Variants in COL4A3 observed in about 807,000 individuals in gnomAD.
COL4A3 encodes collagen type IV alpha 3 chain, also known as collagen alpha-3(IV) chain.
Under a neutral mutation model 217.4 loss-of-function variants are expected in COL4A3, and 135 were observed. The observed-to-expected ratio is 0.62, with a 90% confidence interval of 0.54 to 0.72. The LOEUF is 0.72. Ranked by LOEUF, COL4A3 falls within the 30% of genes least tolerant of loss-of-function variation. The pLI, the probability that COL4A3 is intolerant of heterozygous loss-of-function variation, is 0.00. For synonymous variants in COL4A3, 690 were observed against 736.3 expected, an observed-to-expected ratio of 0.94 and a Z score of 1.02; for missense variants, 1,868 against 2,119.9, an observed-to-expected ratio of 0.88 and a Z score of 2.33.
intron 3 of COL4A3, among the ~76,000 whole-genome samples, chr2:227,241,753 C>A (rs2069035169): frequency 6.6e-6 from 1 of 152,080 alleles, no homozygotes; most frequent in Non-Finnish European, 1.5e-5. Flanking sequence ...AAAGCCAAAG[C>A]CAACCTACTG....
At chr2:227,240,418 G>C (rs945087535) in intron 3 of COL4A3, among the ~76,000 whole-genome samples, 186 bp downstream of exon 3, 5 of 152,158 alleles carry the variant, frequency 3.3e-5, no homozygotes, top group African/African-American at 9.7e-5. Context: ...TATTGCAAAT[G>C]ATCATCATTA....
intron 1 of COL4A3, among the ~76,000 whole-genome samples, chr2:227,208,462 A>G (rs916205001): frequency 1.3e-5 from 2 of 152,040 alleles, no homozygotes; most frequent in Non-Finnish European, 2.9e-5. Context: ...ATCTGGTCCA[A>G]CCCAGTTGTA....
At chr2:227,216,971 T>C (rs750078894) in intron 1 of COL4A3, among the ~76,000 whole-genome samples, 2 of 152,226 alleles carry the variant, frequency 1.3e-5, no homozygotes, top group Non-Finnish European at 2.9e-5. Context: ...TTAATAATTG[T>C]ATATGATTTA....
Position 227,282,290 on chromosome 2 carries a change from A to ATATATATG in COL4A3, c.2489-68_2489-67insGTATATAT, listed in dbSNP as rs2072029933. The ATATATATG allele has an allele frequency of 1.5e-6, 1 of 686,112 alleles. No individual in the cohort carries two copies. The highest frequency in any genetic ancestry group is 2.0e-5 in the African/African-American group (1 of 50,748). The allele number at this position is 686,112 out of a possible 1,614,324, so 42.5% of individuals were successfully genotyped here. A position where few individuals can be genotyped will look rare whatever the true frequency, so the allele number is the denominator to read the frequency against. On this transcript the variant is annotated intron_variant, in intron 31 of 51. Coordinates refer to ENST00000396578, the MANE Select transcript of COL4A3 (RefSeq NM_000091.5). The surrounding 1 kb of genome is among the most constrained non-coding windows in gnomAD (Gnocchi z 4.4). Reference sequence around the variant, plus strand: ...CCATCTTAAAAATATATATATATATATATATATATATTTCTGAAGTTAGTA... The same window carrying ATATATATG: ...CCATCTTAAAAATATATATATATATATATATATGTATATATATATTTCTGAAGTTAGTA...
intron 1 of COL4A3, among the ~76,000 whole-genome samples, chr2:227,182,587 C>G (rs567332959): frequency 6.6e-6 from 1 of 152,144 alleles, no homozygotes; most frequent in African/African-American, 2.4e-5. Flanking sequence ...AAAATTAAAA[C>G]TAAATTGACT....
At position 227,175,946 on chromosome 2, in the gene COL4A3, C is replaced by T. The variant is rs1577028778; in HGVS notation, c.87+11133C>T. On this transcript the variant is annotated intron_variant, in intron 1 of 51. Transcript: ENST00000396578. ...TGACATATCTCTGCCCGTCTTTCTT[C>T]AGTCTCATTGGGATAGGTGTGAATT... 2.0e-5 allele frequency among the ~76,000 whole-genome samples: 3 copies of T among 152,304 alleles called. No homozygotes were observed. The South Asian group carries it at 6.2e-4, about 32-fold the overall frequency.
At position 227,273,053 on chromosome 2, in the gene COL4A3, A is replaced by G. The variant is rs771390525; in HGVS notation, c.1863A>G (p.Gln621=). The stretch of plus-strand genomic sequence containing the variant: ...CTGGACCACCTGGCTACGGACCCCA[A>G]GGAGAACCTGGTCTCCAGGGCACGC... ...GPAGPPGYGP[Q]GEPGLQGTQG... Residue 621 remains glutamine (Q), a synonymous_variant, in exon 26 of 52, where the codon CAA becomes CAG. Transcript: ENST00000396578. 1.2e-4 allele frequency: 198 copies of G among 1,614,026 alleles called. 3 individuals carry two copies. In the South Asian group the frequency reaches 1.8e-3, roughly 15 times the overall value.
chr2:227,263,235 T>C (rs1345473183), intron 20 of COL4A3, among the ~76,000 whole-genome samples: 1 of 152,264 alleles, frequency 6.6e-6, no homozygotes, highest in Non-Finnish European at 1.5e-5. Flanking sequence ...ATAGTTAAAC[T>C]GTTTGTGGGA....
At chr2:227,254,256 G>GT (rs1343998413) in intron 14 of COL4A3, 82 bp downstream of exon 14, 12 of 1,288,466 alleles carry the variant, frequency 9.3e-6, no homozygotes, top group Non-Finnish European at 1.2e-5. Context: ...TTTGTCTTAA[G>GT]TTGTTTTTTT....
intron 1 of COL4A3, among the ~76,000 whole-genome samples, chr2:227,228,227 G>A (rs182439130): frequency 2.6e-4 from 39 of 152,282 alleles, no homozygotes; most frequent in African/African-American, 9.4e-4. Context: ...CGGGGCAGGC[G>A]GGGGCATCCC....
chr2:227,222,562 T>C (rs555521909), intron 1 of COL4A3: 18 of 152,308 alleles, frequency 1.2e-4, no homozygotes, highest in East Asian at 5.8e-4. Flanking sequence ...GGAGAAGGCA[T>C]GTAAACAAAT....
chr2:227,202,880 C>CATATGTGTAT (rs869235190), intron 1 of COL4A3, among the ~76,000 whole-genome samples: 1 of 19,012 alleles, frequency 5.3e-5, no homozygotes, highest in Non-Finnish European at 8.4e-5. Flanking sequence ...TGTATATATA[C>CATATGTGTAT]ATATGTGTAT....
chr2:227,257,250 G>C (rs972370437), intron 17 of COL4A3, among the ~76,000 whole-genome samples: 1 of 152,176 alleles, frequency 6.6e-6, no homozygotes, highest in Non-Finnish European at 1.5e-5. Flanking sequence ...TTACAGCTGG[G>C]ACACTTGGAA....
chr2:227,251,135 T>C lies in COL4A3; in HGVS notation c.547-5T>C. On this transcript the variant is annotated splice_region_variant and splice_polypyrimidine_tract_variant and intron_variant, in intron 9 of 51. Coordinates refer to ENST00000396578, the MANE Select transcript of COL4A3 (RefSeq NM_000091.5). Reference sequence around the variant, plus strand: ...ACTTACTCTTATTCTTCTCTCAATTTCAAGGGTTTGCCAGGCCCTCCAGGT... The same window carrying C: ...ACTTACTCTTATTCTTCTCTCAATTCCAAGGGTTTGCCAGGCCCTCCAGGT... 6.2e-7 allele frequency: 1 copy of C among 1,610,050 alleles called. No homozygotes were observed. Among genetic ancestry groups the C allele is most frequent in the Non-Finnish European group, 8.5e-7 (1 of 1,176,280 alleles).
At position 227,251,161 on chromosome 2, in the gene COL4A3, T is replaced by C. The variant is rs371173786; in HGVS notation, c.568T>C (p.Phe190Leu). 5.0e-6 allele frequency: 8 copies of C among 1,613,724 alleles called. 1 individual carries two copies. In the African/African-American group the frequency reaches 9.3e-5, roughly 19 times the overall value. The part of the protein sequence containing the change: ...GPQGLPGPPG[F>L]PGPVGPPGPP... ...CAAGGGTTTGCCAGGCCCTCCAGGT[T>C]TTCCTGGGCCTGTTGGCCCACCTGG... The change falls in exon 10 of 52, where the codon TTT (phenylalanine) becomes CTT (leucine). Residue 190 changes from phenylalanine (F) to leucine (L), a missense_variant. By Grantham distance (22) the Phe-to-Leu change is conservative. This residue lies in a region of COL4A3 where 365 missense variants were observed against 333.8 expected (regional missense o/e 1.09). Coordinates refer to ENST00000396578, the MANE Select transcript of COL4A3 (RefSeq NM_000091.5).
chr2:227,304,245 T>C (rs1408617155), intron 46 of COL4A3, 101 bp downstream of exon 46: 9 of 1,476,854 alleles, frequency 6.1e-6, no homozygotes, highest in Admixed American at 1.7e-5. Context: ...ACAGAAAATG[T>C]TGAACATGAT....
intron 1 of COL4A3, among the ~76,000 whole-genome samples, chr2:227,235,187 G>A (rs1420104206): frequency 7.0e-6 from 1 of 143,352 alleles, no homozygotes; most frequent in African/African-American, 2.5e-5. Context: ...CTGAGGACTT[G>A]CATTTCTGAC....
At chr2:227,277,892 C>T (rs1021162568) in intron 28 of COL4A3, among the ~76,000 whole-genome samples, 2 of 149,656 alleles carry the variant, frequency 1.3e-5, no homozygotes, top group East Asian at 4.0e-4. Context: ...CCCAGCTACT[C>T]AGGAGGCTGA....
At chr2:227,209,844 A>AAAAC (rs373615921) in intron 1 of COL4A3, among the ~76,000 whole-genome samples, 25 of 152,256 alleles carry the variant, frequency 1.6e-4, no homozygotes, top group African/African-American at 2.9e-4. Flanking sequence ...CTCCATCTCA[A>AAAAC]AAACAAACAA....
Sources: allele counts gnomAD v4.1 joint callset (sites outside exome capture counted in the v4.1 genomes callset), GRCh38; gene constraint gnomAD v4.1.1; regional missense constraint gnomAD v4.1.1; non-coding constraint Gnocchi (gnomAD v3.1); transcripts MANE v1.5; gene names NCBI Gene and HGNC (gene_info 2026-07-23, HGNC 2026-07-21).